MTUS2: variants seen among roughly 807,000 people sequenced by gnomAD.
MTUS2 encodes the protein microtubule-associated tumor suppressor candidate 2.
A neutral mutation model predicts 114.1 loss-of-function variants in MTUS2; 40 were observed. The observed-to-expected ratio is 0.35, with a 90% CI of 0.27 to 0.46. The LOEUF is 0.46. Ranked by LOEUF, MTUS2 falls within the 20% of genes least tolerant of loss-of-function variation. The pLI, the probability that MTUS2 is intolerant of heterozygous loss-of-function variation, is 1.00. For missense variants in MTUS2, 1,679 were observed against 1,705.4 expected (o/e 0.98, Z 0.27); for synonymous variants, 688 against 672.0 (o/e 1.02, Z -0.37).
chr13:29,009,814 A>G (rs1800463296), intron 2 of MTUS2, among the ~76,000 whole-genome samples: 1 of 151,966 alleles, frequency 6.6e-6, no homozygotes, highest in African/African-American at 2.4e-5. Context: ...TTTGCTACTC[A>G]TTCATATTTA....
intron 2 of MTUS2, among the ~76,000 whole-genome samples, chr13:28,972,496 G>A (rs1356244027): frequency 6.6e-6 from 1 of 152,156 alleles, no homozygotes; most frequent in Non-Finnish European, 1.5e-5. Context: ...TTTGGACCTA[G>A]GACCTTTTAA....
chr13:28,862,903 G>A (rs1877080517), intron 2 of MTUS2, among the ~76,000 whole-genome samples: 1 of 152,140 alleles, frequency 6.6e-6, no homozygotes, highest in African/African-American at 2.4e-5. Flanking sequence ...TAGAGTCATG[G>A]TTTTGTGAGT....
In MTUS2 at chr13:29,480,744, C is replaced by T. The variant is rs570280912; in HGVS notation, c.3399+380C>T. Among the ~76,000 whole-genome samples, 1 of 152,222 alleles carries T rather than the reference C, an allele frequency of 6.6e-6. No homozygotes were observed. The highest frequency in any genetic ancestry group is 2.1e-4 in the South Asian group (1 of 4,820). On this transcript the variant is annotated intron_variant, in intron 10 of 15. Transcript: ENST00000612955. The surrounding 1 kb of genome is among the most constrained non-coding windows in gnomAD (Gnocchi z 4.4). ...CTGTCCCCCTCCCAGTATTAGTGTT[C>T]CTTCAGCACTTATCACTAACACATA... is the stretch of plus-strand genomic sequence containing the variant.
At chr13:29,296,939 T>A (rs1898973505) in intron 6 of MTUS2, among the ~76,000 whole-genome samples, 1 of 152,186 alleles carries the variant, frequency 6.6e-6, no homozygotes, top group African/African-American at 2.4e-5. Context: ...GTGCAGAAGC[T>A]TTTTAGTTTT....
At chr13:29,376,413 A>G (rs1389729283) in intron 8 of MTUS2, among the ~76,000 whole-genome samples, 1 of 152,194 alleles carries the variant, frequency 6.6e-6, no homozygotes, top group African/African-American at 2.4e-5. Context: ...GTTATTTGAG[A>G]TGTAGTCAAA....
At chr13:29,360,267 G>C (rs1870110755) in intron 8 of MTUS2, among the ~76,000 whole-genome samples, 1 of 152,158 alleles carries the variant, frequency 6.6e-6, no homozygotes. Flanking sequence ...AAGTAAAAGT[G>C]CTGTATAAAT....
chr13:29,387,371 C>CT (rs1263448150), intron 8 of MTUS2, among the ~76,000 whole-genome samples: 4 of 152,262 alleles, frequency 2.6e-5, no homozygotes, highest in African/African-American at 7.2e-5. Flanking sequence ...GAGAAGGCCT[C>CT]TAAGAGCCTA....
intron 5 of MTUS2, among the ~76,000 whole-genome samples, chr13:29,216,603 G>C (rs540476396): frequency 6.6e-6 from 1 of 152,276 alleles, no homozygotes; most frequent in African/African-American, 2.4e-5. Flanking sequence ...GCTTCCCTTG[G>C]CTATGGGAGG....
At chr13:29,159,261 A>G (rs1048470239) in intron 5 of MTUS2, among the ~76,000 whole-genome samples, 14 of 152,350 alleles carry the variant, frequency 9.2e-5, no homozygotes, top group African/African-American at 2.9e-4. Context: ...ACTAAAATTA[A>G]TAGGTGATTT....
intron 14 of MTUS2, among the ~76,000 whole-genome samples, chr13:29,499,963 G>T (rs1432637120): frequency 6.6e-6 from 1 of 152,246 alleles, no homozygotes; most frequent in Non-Finnish European, 1.5e-5. Flanking sequence ...CAGGCCTAGG[G>T]CTGGCGGGGA....
chr13:29,165,103 C>G (rs1323238177), intron 5 of MTUS2, among the ~76,000 whole-genome samples: 1 of 152,186 alleles, frequency 6.6e-6, no homozygotes, highest in Non-Finnish European at 1.5e-5. Flanking sequence ...TCTTCCTCCT[C>G]CCTGCTCTCT....
At chr13:29,079,140 T>C (rs1007093992) in intron 4 of MTUS2, among the ~76,000 whole-genome samples, 1 of 152,200 alleles carries the variant, frequency 6.6e-6, no homozygotes, top group African/African-American at 2.4e-5. Flanking sequence ...GGTATCTGAT[T>C]ATGGCATTGA....
chr13:28,820,046 C>T (rs1197576400), upstream of MTUS2, among the ~76,000 whole-genome samples: 1 of 147,022 alleles, frequency 6.8e-6, no homozygotes, highest in Non-Finnish European at 1.5e-5. Context: ...CGCCGCCCGG[C>T]CACTGTCACC....
intron 2 of MTUS2, among the ~76,000 whole-genome samples, chr13:28,863,355 C>T (rs1460172223): frequency 1.3e-5 from 2 of 152,168 alleles, no homozygotes; most frequent in Non-Finnish European, 2.9e-5. Flanking sequence ...TGCTAGCCTC[C>T]CACTCGGTTA....
chr13:28,896,384 G>C (rs2137936934), intron 2 of MTUS2, among the ~76,000 whole-genome samples: 1 of 152,232 alleles, frequency 6.6e-6, no homozygotes, highest in African/African-American at 2.4e-5. Flanking sequence ...ACAAACCACT[G>C]CTCAATGAAA....
intron 5 of MTUS2, among the ~76,000 whole-genome samples, chr13:29,150,716 A>G (rs1219161065): frequency 1.3e-5 from 2 of 152,168 alleles, no homozygotes; most frequent in Non-Finnish European, 2.9e-5. Flanking sequence ...ATGTTTTTAT[A>G]TACTGATATG....
At chr13:29,432,546 T>A (rs1424919114) in intron 8 of MTUS2, among the ~76,000 whole-genome samples, 1 of 152,224 alleles carries the variant, frequency 6.6e-6, no homozygotes, top group Non-Finnish European at 1.5e-5. Flanking sequence ...ATAAGAAGCC[T>A]TGATGCGAAT....
chr13:29,076,657 C>A (rs1889206348), intron 4 of MTUS2, among the ~76,000 whole-genome samples: 1 of 152,194 alleles, frequency 6.6e-6, no homozygotes. Context: ...CATGGCATAG[C>A]TGGCTTCCCC....
At chr13:29,258,413 CAT>C (rs1897350863) in intron 5 of MTUS2, among the ~76,000 whole-genome samples, 2 of 152,178 alleles carry the variant, frequency 1.3e-5, no homozygotes, top group Non-Finnish European at 1.5e-5. Flanking sequence ...TTCAAGGACT[CAT>C]GTGCTTAGGT....
Sources: gnomAD v4.1 joint callset for allele counts (sites outside exome capture counted in the v4.1 genomes callset) on GRCh38, gnomAD v4.1.1 for gene constraint, Gnocchi (gnomAD v3.1) non-coding constraint, MANE v1.5 for transcripts, NCBI Gene and HGNC (gene_info 2026-07-23, HGNC 2026-07-21) for gene names.